PALS2: variants seen among roughly 807,000 people sequenced by gnomAD.
PALS2 encodes protein PALS2.
PALS2 carries 27 observed loss-of-function variants against 61.6 expected under a neutral mutation model. The observed-to-expected ratio is 0.44, with a 90% CI of 0.32 to 0.60. The LOEUF (loss-of-function observed/expected upper bound fraction) is 0.60, where lower values mean the gene tolerates loss of function less well. PALS2 is among the 20% of genes least tolerant of loss of function. PALS2 has a pLI of 0.05. For missense variants in PALS2, 554 were observed against 639.4 expected, an observed-to-expected ratio of 0.87 and a Z score of 1.44; for synonymous variants, 236 against 218.6, an observed-to-expected ratio of 1.08 and a Z score of -0.70.
At position 24,649,838 on chromosome 7, in the gene PALS2, T is replaced by C; in HGVS notation, c.423+74T>C. 3 of 1,322,618 alleles carry C rather than the reference T, an allele frequency of 2.3e-6. No individual in the cohort carries two copies. The South Asian group carries it at 5.8e-5, about 26-fold the overall frequency. The allele number at this position is 1,322,618 out of a possible 1,614,324, so 81.9% of individuals were successfully genotyped here. A position where few individuals can be genotyped will look rare whatever the true frequency, so the allele number is the denominator to read the frequency against. ...TTTGTGGTTCAGTCACTACTCTGTTTCATTTTTTTTCCTTTTCATAATGTT... is the reference window on the plus strand; with the variant it reads ...TTTGTGGTTCAGTCACTACTCTGTTCCATTTTTTTTCCTTTTCATAATGTT... On this transcript the variant is annotated intron_variant, in intron 4 of 11. Coordinates refer to ENST00000222644, the MANE Select transcript of PALS2 (RefSeq NM_001303037.2).
intron 5 of PALS2, among the ~76,000 whole-genome samples, chr7:24,652,556 A>G (rs1254334234): frequency 6.6e-6 from 1 of 151,984 alleles, no homozygotes; most frequent in Non-Finnish European, 1.5e-5. Flanking sequence ...AAACTATAAC[A>G]TGAAGGCTTC....
Position 24,618,846 on chromosome 7 carries a change from A to T in PALS2, c.-2-4820A>T, listed in dbSNP as rs1784388709. ...GCTGTACTTCGGCACTCTCCCTTCA[A>T]CACTCCAGTCAAATCTTAGCTGTTT... On this transcript the variant is annotated intron_variant, in intron 1 of 11. Transcript: ENST00000222644. The surrounding 1 kb of genome is among the most constrained non-coding windows in gnomAD (Gnocchi z 5.1). Among the ~76,000 whole-genome samples, 1 of 152,096 alleles carries T rather than the reference A, an allele frequency of 6.6e-6. No individual in the cohort carries two copies. Among genetic ancestry groups the T allele is most frequent in the African/African-American group, 2.4e-5 (1 of 41,416 alleles).
At chr7:24,681,997 T>C (rs887454591) in intron 11 of PALS2, among the ~76,000 whole-genome samples, 2 of 152,234 alleles carry the variant, frequency 1.3e-5, no homozygotes, top group Admixed American at 6.5e-5. Context: ...TTTTTCTCTT[T>C]ATTATGAGTA....
intron 5 of PALS2, among the ~76,000 whole-genome samples, chr7:24,662,005 A>G (rs552293099): frequency 1.3e-5 from 2 of 152,298 alleles, no homozygotes; most frequent in African/African-American, 2.4e-5. Context: ...ATGGAGCTGC[A>G]TGACATTATC....
rs536388652 is a variant in PALS2, at chr7:24,595,274, T to A, written c.-3+21681T>A. Among the ~76,000 whole-genome samples the A allele has an allele frequency of 8.0e-5, 12 of 150,874 alleles. 1 individual carries two copies. The highest frequency in any genetic ancestry group is 2.7e-4 in the Admixed American group (4 of 14,960). ...GGAAGACCAGATTTAGGAAGTAACA[T>A]GATAATTTCTGGATATGCTCATTTT... On this transcript the variant is annotated intron_variant, in intron 1 of 11. Coordinates refer to ENST00000222644, the MANE Select transcript of PALS2 (RefSeq NM_001303037.2).
At chr7:24,649,470 C>T (rs1316313805) in intron 3 of PALS2, 142 bp from the exon 4 acceptor site, 3 of 460,452 alleles carry the variant, frequency 6.5e-6, no homozygotes, top group Admixed American at 8.4e-5. Context: ...TTTATTTGAT[C>T]AACCTGATAT....
intron 1 of PALS2, among the ~76,000 whole-genome samples, chr7:24,607,971 G>A (rs898212697): frequency 3.9e-5 from 6 of 152,060 alleles, no homozygotes; most frequent in Non-Finnish European, 5.9e-5. Flanking sequence ...TAGGGGAGAA[G>A]ATCAGTTTTT....
At chr7:24,638,317 A>ATTTTTTTTTTTTTTTT (rs1562631729) in intron 2 of PALS2, among the ~76,000 whole-genome samples, 2 of 14,254 alleles carry the variant, frequency 1.4e-4, no homozygotes, top group Non-Finnish European at 2.2e-4. Flanking sequence ...CAATTTCTGT[A>ATTTTTTTTTTTTTTTT]TTTTCTTTTT....
In PALS2 at chr7:24,691,405, GTATATATATATATATATATATA is replaced by G. The variant is rs70942878; in HGVS notation, c.*3810_*3831del. 4.5e-5 allele frequency: 5 copies of G among 110,596 alleles called. No homozygotes were observed. The highest frequency in any genetic ancestry group is 3.3e-4 in the South Asian group (1 of 3,030). 6.9% of individuals were successfully genotyped at this position (110,596 alleles called of 1,614,324 possible). On this transcript the variant is annotated 3_prime_UTR_variant, in exon 12 of 12. Transcript: ENST00000222644. ...ATATTATGTATGTGTGTGTGTGTGTGTATATATATATATATATATATATATATATATATATATATACAGCTAT... is the reference window on the plus strand; with the variant it reads ...ATATTATGTATGTGTGTGTGTGTGTGTATATATATATATATATACAGCTAT...
chr7:24,615,908 A>G (rs1490501848), intron 1 of PALS2, among the ~76,000 whole-genome samples: 1 of 152,148 alleles, frequency 6.6e-6, no homozygotes, highest in Non-Finnish European at 1.5e-5. Flanking sequence ...ATATACACAA[A>G]TCAATAAATG....
intron 9 of PALS2, among the ~76,000 whole-genome samples, chr7:24,676,917 G>A (rs535027855): frequency 1.1e-3 from 167 of 151,166 alleles, no homozygotes; most frequent in Middle Eastern, 3.4e-3. Flanking sequence ...GTGAAGAAAG[G>A]CATTGGTAGC....
intron 5 of PALS2, among the ~76,000 whole-genome samples, chr7:24,655,826 A>G (rs1786387115): frequency 6.6e-6 from 1 of 151,902 alleles, no homozygotes; most frequent in Admixed American, 6.6e-5. Flanking sequence ...ATGCCTGGCT[A>G]ATTTTTATAT....
At chr7:24,641,568 A>G (rs1785552777) in intron 2 of PALS2, 148 bp from the exon 3 acceptor site, 1 of 632,790 alleles carries the variant, frequency 1.6e-6, no homozygotes, top group South Asian at 2.4e-5. Flanking sequence ...AAATCTATAT[A>G]TTGCCTCTGG....
At chr7:24,668,896 G>A (rs569848223) in intron 9 of PALS2, among the ~76,000 whole-genome samples, 1 of 152,302 alleles carries the variant, frequency 6.6e-6, no homozygotes, top group Non-Finnish European at 1.5e-5. Context: ...AAACTATTCA[G>A]TTCAGAAATG....
At chr7:24,606,909 A>G (rs1038299569) in intron 1 of PALS2, among the ~76,000 whole-genome samples, 20 of 152,168 alleles carry the variant, frequency 1.3e-4, no homozygotes, top group African/African-American at 4.3e-4. Context: ...TGCTTCATGT[A>G]CACTTTGTGT....
At chr7:24,634,270 G>A (rs528893854) in intron 2 of PALS2, among the ~76,000 whole-genome samples, 10 of 151,908 alleles carry the variant, frequency 6.6e-5, no homozygotes, top group South Asian at 4.2e-4. Flanking sequence ...TTGCTCTGCC[G>A]CCCAGGCTGG....
chr7:24,644,301 CTTG>C (rs961311415), intron 3 of PALS2, among the ~76,000 whole-genome samples: 2 of 151,942 alleles, frequency 1.3e-5, no homozygotes, highest in African/African-American at 4.8e-5. Flanking sequence ...TTTTTCCCTT[CTTG>C]TTGTTCATAA....
intron 1 of PALS2, among the ~76,000 whole-genome samples, chr7:24,597,395 G>C (rs1299895626): frequency 6.6e-6 from 1 of 152,142 alleles, no homozygotes; most frequent in Admixed American, 6.6e-5. Flanking sequence ...TTTGAGGAGA[G>C]CTGTGGCTGA....
intron 3 of PALS2, among the ~76,000 whole-genome samples, chr7:24,644,073 C>CTAAAA (rs1785701145): frequency 6.7e-6 from 1 of 150,302 alleles, no homozygotes; most frequent in South Asian, 2.1e-4. Flanking sequence ...TAATCCTTGC[C>CTAAAA]TAAATCAATA....
Sources: allele counts gnomAD v4.1 joint callset (sites outside exome capture counted in the v4.1 genomes callset), GRCh38; gene constraint gnomAD v4.1.1; non-coding constraint Gnocchi (gnomAD v3.1); transcripts MANE v1.5; gene names NCBI Gene and HGNC (gene_info 2026-07-23, HGNC 2026-07-21).